The following LRP1B variants were observed in gnomAD, a reference collection of about 807,000 sequenced individuals.
LRP1B encodes the protein LDL receptor related protein 1B, also known as low-density lipoprotein receptor-related protein 1B.
In LRP1B, 217 loss-of-function variants were observed where a neutral mutation model predicts 556.6. The ratio of observed to expected loss-of-function variants is 0.39; its 90% CI spans 0.35 to 0.44. The LOEUF (loss-of-function observed/expected upper bound fraction) is 0.44. Ranked by LOEUF, LRP1B falls within the 20% of genes least tolerant of loss-of-function variation. The pLI is 1.00. For synonymous variants in LRP1B, 2,047 were observed against 1,865.8 expected (o/e 1.10, Z -2.50); for missense variants, 5,053 against 5,620.8 (o/e 0.90, Z 3.23).
intron 23 of LRP1B, among the ~76,000 whole-genome samples, chr2:140,895,188 G>C (rs189480784): frequency 1.2e-3 from 188 of 151,732 alleles, no homozygotes; most frequent in Non-Finnish European, 2.3e-3. Flanking sequence ...AATTTCAAAG[G>C]CCTAATAATG....
chr2:140,394,692 C>CTAG (rs1684175781), intron 66 of LRP1B, among the ~76,000 whole-genome samples: 1 of 152,060 alleles, frequency 6.6e-6, no homozygotes, highest in Non-Finnish European at 1.5e-5. Flanking sequence ...AGCAATATGT[C>CTAG]AAGCTAAGAG....
intron 1 of LRP1B, among the ~76,000 whole-genome samples, chr2:142,015,706 T>C (rs1387039095): frequency 6.6e-6 from 1 of 151,524 alleles, no homozygotes; most frequent in African/African-American, 2.4e-5. Context: ...AAAAAGTGGG[T>C]GAAGGGGCCA....
At chr2:141,217,953 T>C (rs766457315) in intron 6 of LRP1B, among the ~76,000 whole-genome samples, 1 of 152,032 alleles carries the variant, frequency 6.6e-6, no homozygotes, top group Non-Finnish European at 1.5e-5. Context: ...AAAGAAGATA[T>C]ACAAGTGGCC....
At chr2:141,742,334 G>A (rs972570743) in intron 2 of LRP1B, among the ~76,000 whole-genome samples, 26 of 149,914 alleles carry the variant, frequency 1.7e-4, no homozygotes, top group African/African-American at 5.6e-4. Context: ...TCACTGACAC[G>A]GCCGCCTCCC....
intron 3 of LRP1B, among the ~76,000 whole-genome samples, chr2:141,465,354 A>C (rs1412799757): frequency 6.6e-6 from 1 of 152,118 alleles, no homozygotes; most frequent in African/African-American, 2.4e-5. Flanking sequence ...AAATGGAAAA[A>C]AAAATAAGGA....
At position 141,529,358 on chromosome 2, in the gene LRP1B, C is replaced by T. The variant is rs1204012772; in HGVS notation, c.206-48825G>A. On this transcript the variant is annotated intron_variant, in intron 2 of 90. Transcript: ENST00000389484. ...TTTGATGTGAAAGATATGGTCTTTG[C>T]CCTTGAGGCACTCACTTTCTCTTGA... Among the ~76,000 whole-genome samples the T allele has an allele frequency of 2.6e-5, 4 of 152,214 alleles. 1 individual carries two copies. The highest frequency in any genetic ancestry group is 2.6e-4 in the Admixed American group (4 of 15,266).
At chr2:141,108,332 TTC>T (rs1574080755) in intron 7 of LRP1B, among the ~76,000 whole-genome samples, 4 of 129,548 alleles carry the variant, frequency 3.1e-5, no homozygotes, top group East Asian at 2.2e-4. Context: ...TATAATCTGT[TTC>T]TTTTTTTTTT....
At chr2:140,302,435 G>A (rs1287636100) in intron 83 of LRP1B, among the ~76,000 whole-genome samples, 3 of 152,260 alleles carry the variant, frequency 2.0e-5, no homozygotes, top group South Asian at 2.1e-4. Flanking sequence ...TGCTTTTAGT[G>A]TTAGGTCTAC....
chr2:140,990,136 G>T (rs1697048825), intron 16 of LRP1B, among the ~76,000 whole-genome samples: 1 of 152,074 alleles, frequency 6.6e-6, no homozygotes, highest in Non-Finnish European at 1.5e-5. Flanking sequence ...GAACCCAAGA[G>T]GCGGAGGTTG....
At chr2:140,465,579 C>T (rs1687510384) in intron 60 of LRP1B, among the ~76,000 whole-genome samples, 2 of 152,058 alleles carry the variant, frequency 1.3e-5, no homozygotes, top group African/African-American at 4.8e-5. Context: ...ACCTACTGAT[C>T]CCTAATCTAC....
chr2:141,943,399 C>A (rs758074065), intron 1 of LRP1B, among the ~76,000 whole-genome samples: 3 of 152,178 alleles, frequency 2.0e-5, no homozygotes, highest in Non-Finnish European at 4.4e-5. Context: ...TTTCTCCTTT[C>A]AACCCCCTGC....
intron 2 of LRP1B, among the ~76,000 whole-genome samples, chr2:141,504,135 C>T (rs187776814): frequency 2.0e-5 from 3 of 152,176 alleles, no homozygotes; most frequent in East Asian, 1.9e-4. Flanking sequence ...CTGACACACT[C>T]GTATTTTTTG....
rs1303566859 is a variant in LRP1B, at chr2:140,514,668, T to C, written c.8254A>G (p.Ser2752Gly). 1 of 1,609,676 alleles carries C rather than the reference T, an allele frequency of 6.2e-7. No individual in the cohort carries two copies. The highest frequency in any genetic ancestry group is 1.7e-5 in the Admixed American group (1 of 59,910). Residue 2752 changes from serine to glycine, a missense_variant, in exon 51 of 91, where the codon AGT becomes GGT. This residue lies in a region of LRP1B where 3,619 missense variants were observed against 3,931.9 expected (regional missense o/e 0.92). Transcript: ENST00000389484. ...CACAACTTACCACAAATGCTGTCACTTTCATCTAACCCATCCCCACAGTCA... is the reference window on the plus strand; with the variant it reads ...CACAACTTACCACAAATGCTGTCACCTTCATCTAACCCATCCCCACAGTCA... ...EDDCGDGLDE[S>G]DSICGAITCA...
intron 1 of LRP1B, among the ~76,000 whole-genome samples, chr2:141,990,915 C>G (rs1447126652): frequency 6.6e-6 from 1 of 151,936 alleles, no homozygotes; most frequent in African/African-American, 2.4e-5. Context: ...TAAAGCTAAG[C>G]CAGTCAATTA....
intron 1 of LRP1B, among the ~76,000 whole-genome samples, chr2:142,110,999 G>A (rs1706967787): frequency 6.6e-6 from 1 of 152,152 alleles, no homozygotes; most frequent in Non-Finnish European, 1.5e-5. Context: ...CAATGTGGAT[G>A]TCACTCCTCC....
intron 1 of LRP1B, among the ~76,000 whole-genome samples, chr2:141,834,648 C>T (rs941413441): frequency 3.3e-5 from 5 of 151,810 alleles, no homozygotes; most frequent in Non-Finnish European, 7.4e-5. Context: ...AATGTGGTTC[C>T]AGGACAAAGG....
At chr2:141,867,178 G>A (rs1001983211) in intron 1 of LRP1B, among the ~76,000 whole-genome samples, 3 of 152,126 alleles carry the variant, frequency 2.0e-5, no homozygotes, top group African/African-American at 7.2e-5. Context: ...CAAAGATAAA[G>A]ATGTAGTAAG....
intron 7 of LRP1B, among the ~76,000 whole-genome samples, chr2:141,066,657 G>T (rs1158683495): frequency 6.6e-6 from 1 of 151,880 alleles, no homozygotes; most frequent in Non-Finnish European, 1.5e-5. Flanking sequence ...TCCTTTAACT[G>T]CATGGTCAGT....
At chr2:141,856,912 G>GA (rs75949531) in intron 1 of LRP1B, among the ~76,000 whole-genome samples, 80 of 140,108 alleles carry the variant, frequency 5.7e-4, no homozygotes, top group Middle Eastern at 3.7e-3. Flanking sequence ...ACTATTACAG[G>GA]AAAAAAAAAA....
Sources: gnomAD v4.1 joint callset for allele counts (sites outside exome capture counted in the v4.1 genomes callset) on GRCh38, gnomAD v4.1.1 for gene constraint, gnomAD v4.1.1 regional missense constraint, MANE v1.5 for transcripts, NCBI Gene and HGNC (gene_info 2026-07-23, HGNC 2026-07-21) for gene names.